PRELID2: variants seen among roughly 807,000 people sequenced by gnomAD.
PRELID2 encodes the protein PRELI domain-containing protein 2.
Under a neutral mutation model 28.4 loss-of-function variants are expected in PRELID2, and 25 were observed. That is an observed-to-expected ratio of 0.88 (90% confidence interval 0.64 to 1.23). The LOEUF (loss-of-function observed/expected upper bound fraction) is 1.23, where lower values mean the gene tolerates loss of function less well. PRELID2 is among the 50% of genes most tolerant of loss of function. The pLI is 0.00. For synonymous variants in PRELID2, 76 were observed against 71.6 expected (o/e 1.06, Z -0.31); for missense variants, 201 against 214.4 (o/e 0.94, Z 0.39).
chr5:145,416,864 A>G, the PRELID2 span, among the ~76,000 whole-genome samples: 3 of 151,968 alleles, frequency 2.0e-5, no homozygotes, highest in Middle Eastern at 6.8e-3. Flanking sequence ...TTTAACCCAA[A>G]AGTCCAAGCC....
At chr5:145,533,628 G>A (rs1752673449) in intron 1 of PRELID2, among the ~76,000 whole-genome samples, 1 of 152,050 alleles carries the variant, frequency 6.6e-6, no homozygotes, top group South Asian at 2.1e-4. Flanking sequence ...ACAGGGATTA[G>A]TGACTTATCT....
At chr5:145,245,898 ATTTTTATTTTTGT>A in the PRELID2 span, among the ~76,000 whole-genome samples, 1 of 151,856 alleles carries the variant, frequency 6.6e-6, no homozygotes, top group Non-Finnish European at 1.5e-5. Flanking sequence ...CACTCAACAC[ATTTTTATTTTTGT>A]TTTTGTTTTT....
chr5:145,810,763 C>T (rs2149843193), intron 4 of PRELID2, among the ~76,000 whole-genome samples: 1 of 152,234 alleles, frequency 6.6e-6, no homozygotes, highest in South Asian at 2.1e-4. Context: ...CTATGTACGA[C>T]TTCATTTAAT....
chr5:145,652,637 A>G (rs180822953), intron 1 of PRELID2, among the ~76,000 whole-genome samples: 2 of 152,356 alleles, frequency 1.3e-5, no homozygotes, highest in Admixed American at 1.3e-4. Context: ...AGAATTTCAT[A>G]TCCAGCCAAA....
the PRELID2 span, among the ~76,000 whole-genome samples, chr5:145,264,701 C>G: frequency 6.6e-6 from 1 of 151,896 alleles, no homozygotes; most frequent in African/African-American, 2.4e-5. Flanking sequence ...GAGCCAGGCA[C>G]GGTGGCTCAT....
the PRELID2 span, among the ~76,000 whole-genome samples, chr5:145,271,760 A>C: frequency 4.6e-5 from 7 of 152,138 alleles, no homozygotes; most frequent in Admixed American, 4.6e-4. Flanking sequence ...TCAAATCCAG[A>C]AACCTGGCAT....
intron 1 of PRELID2, among the ~76,000 whole-genome samples, chr5:145,748,019 A>T (rs1266285735): frequency 6.6e-6 from 1 of 152,220 alleles, no homozygotes; most frequent in Non-Finnish European, 1.5e-5. Flanking sequence ...CAAAATAATA[A>T]GAGCCATTTA....
chr5:145,714,474 C>A (rs1581089871), intron 1 of PRELID2, among the ~76,000 whole-genome samples: 4 of 152,108 alleles, frequency 2.6e-5, no homozygotes, highest in Admixed American at 2.6e-4. Flanking sequence ...AGAATCAAAT[C>A]GTTTTTGAAG....
the PRELID2 span, among the ~76,000 whole-genome samples, chr5:145,408,327 T>A: frequency 1.3e-5 from 2 of 150,302 alleles, no homozygotes; most frequent in Admixed American, 1.3e-4. Context: ...AGGTAAATAA[T>A]TCAGAAGGTT....
rs1365517052 is a variant in PRELID2 at position 145,817,198 on chromosome 5, A to AAAAAAAATATATATAT, written c.368+695_368+696insATATATATATTTTTTT. Among the ~76,000 whole-genome samples, 56 of 70,012 alleles carry AAAAAAAATATATATAT rather than the reference A, an allele frequency of 8.0e-4. 1 individual carries two copies. Among genetic ancestry groups the AAAAAAAATATATATAT allele is most frequent in the Admixed American group, 1.8e-3 (10 of 5,626 alleles). 45.9% of individuals were successfully genotyped at this position (70,012 alleles called of 152,430 possible). A position where few individuals can be genotyped will look rare whatever the true frequency, so the allele number is the denominator to read the frequency against. ...AGAGCAAGACTGCATTTCAAAAAAA[A>AAAAAAAATATATATAT]ATAAATAAATAAATAAAAAAAAATA... On this transcript the variant is annotated intron_variant, in intron 4 of 6. Coordinates refer to ENST00000683046, the MANE Select transcript of PRELID2 (RefSeq NM_205846.3).
chr5:145,641,583 A>G (rs62392277), intron 1 of PRELID2, among the ~76,000 whole-genome samples: 10,914 of 152,256 alleles, frequency 0.072, 1,000 homozygotes, highest in African/African-American at 0.21. Flanking sequence ...ACATAGGTAT[A>G]CACTTGCCAT....
chr5:145,305,144 G>A, the PRELID2 span, among the ~76,000 whole-genome samples: 33,659 of 152,052 alleles, frequency 0.22, 4,616 homozygotes, highest in Non-Finnish European at 0.3. Flanking sequence ...TAGGCCCAAA[G>A]GATAGAGAGA....
chr5:145,645,625 G>A (rs146592895), intron 1 of PRELID2, among the ~76,000 whole-genome samples: 6 of 152,170 alleles, frequency 3.9e-5, no homozygotes, highest in Middle Eastern at 3.4e-3. Context: ...TTTCTTCATA[G>A]TGTCGACATT....
At chr5:145,253,644 G>T in the PRELID2 span, among the ~76,000 whole-genome samples, 2 of 151,842 alleles carry the variant, frequency 1.3e-5, no homozygotes, top group South Asian at 2.1e-4. Context: ...CTCCCTCTTT[G>T]CCTCTCCTTG....
chr5:145,740,957 A>AATATATATGTATATATATTTATCT (rs1185477739), intron 1 of PRELID2, among the ~76,000 whole-genome samples: 5 of 8,250 alleles, frequency 6.1e-4, no homozygotes, highest in Non-Finnish European at 2.3e-3. Context: ...TTTATCTATA[A>AATATATATGTATATATATTTATCT]ATAAAGTATA....
chr5:145,313,304 A>G, the PRELID2 span, among the ~76,000 whole-genome samples: 4 of 152,238 alleles, frequency 2.6e-5, no homozygotes, highest in African/African-American at 9.6e-5. Flanking sequence ...TTTTCTGCTC[A>G]AGATGTCTAT....
the PRELID2 span, among the ~76,000 whole-genome samples, chr5:145,340,597 A>T: frequency 4.9e-3 from 751 of 151,856 alleles, 8 homozygotes; most frequent in African/African-American, 0.017. Context: ...GTGAAACCCC[A>T]TCTCTACAAA....
At chr5:145,800,183 A>G (rs1305449609) in intron 4 of PRELID2, among the ~76,000 whole-genome samples, 3 of 151,786 alleles carry the variant, frequency 2.0e-5, no homozygotes, top group African/African-American at 7.3e-5. Flanking sequence ...GGTTATTAAA[A>G]CCTCTTAATT....
chr5:145,456,371 A>G, the PRELID2 span, among the ~76,000 whole-genome samples: 1 of 152,108 alleles, frequency 6.6e-6, no homozygotes, highest in African/African-American at 2.4e-5. Flanking sequence ...CTTGCTCTTT[A>G]TCGTTATCTT....
Sources: gnomAD v4.1 joint callset for allele counts (sites outside exome capture counted in the v4.1 genomes callset) on GRCh38, gnomAD v4.1.1 for gene constraint, MANE v1.5 for transcripts, NCBI Gene and HGNC (gene_info 2026-07-23, HGNC 2026-07-21) for gene names.